Variants in DST observed in about 807,000 individuals in gnomAD.
DST encodes bullous pemphigoid antigen.
In DST, 253 loss-of-function variants were observed where a neutral mutation model predicts 875.2. The ratio of observed to expected loss-of-function variants is 0.29; its 90% CI spans 0.26 to 0.32. The LOEUF (loss-of-function observed/expected upper bound fraction) is 0.32, where lower values mean the gene tolerates loss of function less well. Among genes scored for constraint, DST ranks in the 10% least tolerant of loss-of-function variants. The pLI is 1.00. For missense variants in DST, 8,287 were observed against 9,111.6 expected, an observed-to-expected ratio of 0.91 and a Z score of 3.68; for synonymous variants, 3,124 against 3,197.1, an observed-to-expected ratio of 0.98 and a Z score of 0.77.
chr6:56,914,862 A>G (rs1178953752), intron 2 of DST, among the ~76,000 whole-genome samples: 1 of 152,254 alleles, frequency 6.6e-6, no homozygotes, highest in South Asian at 2.1e-4. Flanking sequence ...ATGAAAAAGC[A>G]AAGTGGGAAT....
chr6:56,932,996 A>G (rs139339872), intron 2 of DST, among the ~76,000 whole-genome samples: 56 of 152,072 alleles, frequency 3.7e-4, no homozygotes, highest in Non-Finnish European at 7.4e-4. Context: ...AAGTAAAGAT[A>G]AAATCTTAAC....
chr6:56,686,065 GGA>G (rs2099184504), intron 9 of DST, among the ~76,000 whole-genome samples: 1 of 152,196 alleles, frequency 6.6e-6, no homozygotes, highest in East Asian at 1.9e-4. Context: ...ACAATGGACT[GGA>G]TAAAGAAAAT....
At chr6:56,525,050 T>A (rs1160500321) in intron 69 of DST, among the ~76,000 whole-genome samples, 3 of 152,088 alleles carry the variant, frequency 2.0e-5, no homozygotes, top group Non-Finnish European at 2.9e-5. Flanking sequence ...TTGGCATATA[T>A]CAGAGATTAC....
intron 23 of DST, among the ~76,000 whole-genome samples, chr6:56,636,314 G>A (rs1426865490): frequency 2.0e-5 from 3 of 149,056 alleles, no homozygotes; most frequent in Non-Finnish European, 4.4e-5. Context: ...ATATAACAGT[G>A]TGTGTATATA....
At chr6:56,871,240 CA>C in intron 3 of DST, 1 of 772,070 alleles carries the variant, frequency 1.3e-6, no homozygotes, top group Non-Finnish European at 2.4e-6. Flanking sequence ...TCATGCAAAT[CA>C]AGAGGTTCAA....
At chr6:56,796,924 T>C (rs1039087587) in intron 4 of DST, among the ~76,000 whole-genome samples, 3 of 152,180 alleles carry the variant, frequency 2.0e-5, no homozygotes, top group Non-Finnish European at 4.4e-5. Context: ...CATAAGCATT[T>C]TATTTAGAAT....
chr6:56,505,181 T>A lies in DST; in HGVS notation c.19465-1083A>T, dbSNP rs570003785. On this transcript the variant is annotated intron_variant, in intron 77 of 103. Coordinates refer to ENST00000680361, the MANE Select transcript of DST (RefSeq NM_001374736.1). ...GCTTTGACATCTAGCTACAGCTAGC[T>A]GTACTGTAGCTACTTAATAAATCAA... Among the ~76,000 whole-genome samples the A allele has an allele frequency of 2.6e-5, 4 of 152,340 alleles. No individual in the cohort carries two copies. In the East Asian group the frequency reaches 7.7e-4, roughly 29 times the overall value.
intron 81 of DST, 28 bp downstream of exon 81, chr6:56,497,828 A>G (rs2095974086): frequency 6.4e-7 from 1 of 1,556,038 alleles, no homozygotes; most frequent in Non-Finnish European, 8.7e-7. Context: ...ATGCTATAAA[A>G]ACTTTCAGAA....
At chr6:56,648,767 C>A in intron 12 of DST, 78 bp from the exon 13 acceptor site, 2 of 1,246,500 alleles carry the variant, frequency 1.6e-6, no homozygotes, top group Admixed American at 2.5e-5. Flanking sequence ...AGTCAGAAGT[C>A]ATTCTGTAAA....
intron 5 of DST, among the ~76,000 whole-genome samples, chr6:56,729,425 T>C (rs1271586868): frequency 6.6e-6 from 1 of 151,920 alleles, no homozygotes; most frequent in African/African-American, 2.4e-5. Flanking sequence ...ACCCCGTCTC[T>C]ACTAAAAATA....
At chr6:56,797,596 A>G (rs1161842994) in intron 4 of DST, among the ~76,000 whole-genome samples, 7 of 152,094 alleles carry the variant, frequency 4.6e-5, no homozygotes, top group Non-Finnish European at 1.0e-4. Flanking sequence ...CACTTTGGGA[A>G]GCTGAGGCAG....
intron 10 of DST, among the ~76,000 whole-genome samples, chr6:56,658,092 C>G (rs2099019636): frequency 6.6e-6 from 1 of 151,096 alleles, no homozygotes; most frequent in Non-Finnish European, 1.5e-5. Flanking sequence ...GACATGGAGT[C>G]TCACTCTGTC....
At chr6:56,578,508 C>T (rs2097910899) in intron 50 of DST, among the ~76,000 whole-genome samples, 1 of 152,178 alleles carries the variant, frequency 6.6e-6, no homozygotes, top group South Asian at 2.1e-4. Flanking sequence ...ATCCCATCAA[C>T]CAAGAGAATT....
chr6:56,616,989 T>C (rs1437352150), intron 36 of DST: 3 of 1,609,468 alleles, frequency 1.9e-6, no homozygotes, highest in Non-Finnish European at 2.5e-6. Context: ...TCTATTATGA[T>C]TCTCTCGGCC....
intron 4 of DST, among the ~76,000 whole-genome samples, chr6:56,833,665 CACATACA>C (rs1313575261): frequency 6.6e-6 from 1 of 151,288 alleles, no homozygotes; most frequent in Non-Finnish European, 1.5e-5. Context: ...TCAGAGTCAC[CACATACA>C]ACTCTATGAA....
rs1459681212 is a variant in DST at position 56,651,098 on chromosome 6, T to C, written c.1327+34A>G. 8.8e-6 allele frequency: 14 copies of C among 1,589,692 alleles called. No homozygotes were observed. In the African/African-American group the frequency reaches 1.2e-4, roughly 14 times the overall value. ...TAAATTACTTTTGATCAGACTTTCA[T>C]GCCAGTCCACATATAATCAAGAAAA... On this transcript the variant is annotated intron_variant, in intron 11 of 103. Coordinates refer to ENST00000680361, the MANE Select transcript of DST (RefSeq NM_001374736.1).
At chr6:56,785,751 T>A (rs969313158) in intron 4 of DST, 1 of 155,758 alleles carries the variant, frequency 6.4e-6, no homozygotes, top group East Asian at 1.9e-4. Flanking sequence ...TGACACTCCC[T>A]AGTGAGATGA....
At chr6:56,789,073 A>ATT (rs2099710666) in intron 4 of DST, among the ~76,000 whole-genome samples, 2 of 152,220 alleles carry the variant, frequency 1.3e-5, no homozygotes, top group Non-Finnish European at 2.9e-5. Flanking sequence ...ATAGTGGTAC[A>ATT]GTGGTTCACA....
chr6:56,704,438 A>C, intron 5 of DST, 69 bp from the exon 6 acceptor site: 1 of 701,902 alleles, frequency 1.4e-6, no homozygotes. Context: ...TAAACATAAA[A>C]AGGAGACAAG....
Sources: allele counts gnomAD v4.1 joint callset (sites outside exome capture counted in the v4.1 genomes callset), GRCh38; gene constraint gnomAD v4.1.1; transcripts MANE v1.5; gene names NCBI Gene and HGNC (gene_info 2026-07-23, HGNC 2026-07-21).